XKR4: variants seen among roughly 807,000 people sequenced by gnomAD.
The protein encoded by XKR4 is XK related 4.
A neutral mutation model predicts 53.9 loss-of-function variants in XKR4; 12 were observed. The observed-to-expected ratio is 0.22, with a 90% CI of 0.14 to 0.36. The LOEUF (loss-of-function observed/expected upper bound fraction) is 0.36. XKR4 is among the 10% of genes least tolerant of loss of function. XKR4 has a pLI of 1.00. For synonymous variants in XKR4, 354 were observed against 362.4 expected, an observed-to-expected ratio of 0.98 and a Z score of 0.26; for missense variants, 799 against 859.5, an observed-to-expected ratio of 0.93 and a Z score of 0.88.
chr8:55,241,692 C>A (rs1192178756), intron 1 of XKR4, among the ~76,000 whole-genome samples: 1 of 152,176 alleles, frequency 6.6e-6, no homozygotes, highest in African/African-American at 2.4e-5. Context: ...TTCATTATTT[C>A]TCATATATGG....
At chr8:55,282,490 G>A (rs1019877183) in intron 1 of XKR4, among the ~76,000 whole-genome samples, 1 of 152,144 alleles carries the variant, frequency 6.6e-6, no homozygotes, top group Non-Finnish European at 1.5e-5. Context: ...GTGGAAGAGG[G>A]GAGCAGGCAT....
intron 1 of XKR4, among the ~76,000 whole-genome samples, chr8:55,156,393 A>G (rs1816906892): frequency 7.8e-6 from 1 of 128,694 alleles, no homozygotes; most frequent in Non-Finnish European, 1.6e-5. Context: ...CGCTGCGCGC[A>G]TAGTCACGGC....
intron 2 of XKR4, among the ~76,000 whole-genome samples, chr8:55,376,981 G>C (rs1380099041): frequency 1.3e-4 from 13 of 101,540 alleles, no homozygotes; most frequent in African/African-American, 5.1e-4. Flanking sequence ...CACACAGAGA[G>C]AGAGAGAGAG....
chr8:55,141,425 AC>A (rs1816699769), intron 1 of XKR4, among the ~76,000 whole-genome samples: 1 of 150,958 alleles, frequency 6.6e-6, no homozygotes. Flanking sequence ...CCTCCTCCTC[AC>A]CTTCCGTCTC....
intron 1 of XKR4, among the ~76,000 whole-genome samples, chr8:55,237,595 C>T (rs560105629): frequency 6.6e-6 from 1 of 152,232 alleles, no homozygotes; most frequent in South Asian, 2.1e-4. Flanking sequence ...CCATGCAGTT[C>T]AAGCACATGT....
At chr8:55,253,731 CT>C (rs67608017) in intron 1 of XKR4, among the ~76,000 whole-genome samples, 18,179 of 113,618 alleles carry the variant, frequency 0.16, 749 homozygotes, top group Non-Finnish European at 0.2. Flanking sequence ...ATTTTCTTTT[CT>C]TTTTTTTTTT....
At chr8:55,152,725 A>C (rs1009096900) in intron 1 of XKR4, among the ~76,000 whole-genome samples, 1 of 152,210 alleles carries the variant, frequency 6.6e-6, no homozygotes, top group African/African-American at 2.4e-5. Flanking sequence ...AAAAAAATCA[A>C]CTGATTTGTT....
chr8:55,284,854 C>T (rs1818887461), intron 1 of XKR4, among the ~76,000 whole-genome samples: 1 of 152,186 alleles, frequency 6.6e-6, no homozygotes, highest in Admixed American at 6.5e-5. Context: ...AGCCTCAACT[C>T]CTTTTCACTC....
chr8:55,376,342 C>T (rs1440365284), intron 2 of XKR4, among the ~76,000 whole-genome samples: 1 of 152,308 alleles, frequency 6.6e-6, no homozygotes, highest in East Asian at 1.9e-4. Context: ...TACATTCCCA[C>T]CAACAACGTA....
intron 2 of XKR4, among the ~76,000 whole-genome samples, chr8:55,430,493 T>C (rs756541761): frequency 1.3e-5 from 2 of 152,166 alleles, no homozygotes; most frequent in Non-Finnish European, 2.9e-5. Context: ...GAGCAGACGA[T>C]TGGTTGCCAG....
At chr8:55,463,305 C>T (rs1444889037) in intron 2 of XKR4, among the ~76,000 whole-genome samples, 1 of 152,256 alleles carries the variant, frequency 6.6e-6, no homozygotes, top group African/African-American at 2.4e-5. Context: ...CAAACTGGAA[C>T]TCAGGATTAA....
At position 55,502,927 on chromosome 8, in the gene XKR4, A is replaced by T. The variant is rs187404572; in HGVS notation, c.1007-20354A>T. ...AGGTAAGAGTCCACCCTTTTTGCAT[A>T]TGTTTTCCCAGACCATTTGTTGAAA... On this transcript the variant is annotated intron_variant, in intron 2 of 2. Transcript: ENST00000327381. Among the ~76,000 whole-genome samples, 6 of 152,086 alleles carry T rather than the reference A, an allele frequency of 3.9e-5. No homozygotes were observed. In the East Asian group the frequency reaches 1.2e-3, roughly 29 times the overall value.
At chr8:55,509,359 G>A (rs1463555489) in intron 2 of XKR4, among the ~76,000 whole-genome samples, 1 of 152,134 alleles carries the variant, frequency 6.6e-6, no homozygotes, top group Admixed American at 6.5e-5. Flanking sequence ...TTAAATTTCT[G>A]TACTTCCTTT....
intron 1 of XKR4, among the ~76,000 whole-genome samples, chr8:55,247,855 C>CTTTTTTTT (rs1166258777): frequency 1.7e-4 from 10 of 59,854 alleles, no homozygotes; most frequent in African/African-American, 2.7e-4. Context: ...TTCTTTCTTT[C>CTTTTTTTT]TTTTTTTTTT....
At chr8:55,165,752 C>T (rs1042137660) in intron 1 of XKR4, among the ~76,000 whole-genome samples, 6 of 150,082 alleles carry the variant, frequency 4.0e-5, no homozygotes, top group Non-Finnish European at 5.9e-5. Flanking sequence ...TTGCAGTGAG[C>T]CGAGATTGTG....
At position 55,535,777 on chromosome 8, in the gene XKR4, C is replaced by T. The variant is rs1219958367; in HGVS notation, c.*11550C>T. 1 of 152,154 alleles carries T rather than the reference C, an allele frequency of 6.6e-6. No homozygotes were observed. The highest frequency in any genetic ancestry group is 6.5e-5 in the Admixed American group (1 of 15,280). 9.4% of individuals were successfully genotyped at this position (152,154 alleles called of 1,614,324 possible). On this transcript the variant is annotated 3_prime_UTR_variant, in exon 3 of 3. Transcript: ENST00000327381. ...CCATAACTATAACAACAGACATGTC[C>T]ACTTTGGAAAGGCTAGGGCCTGACG...
chr8:55,281,981 C>T (rs547852536), intron 1 of XKR4, among the ~76,000 whole-genome samples: 3 of 152,274 alleles, frequency 2.0e-5, no homozygotes, highest in South Asian at 2.1e-4. Flanking sequence ...TGCTGGAGCT[C>T]GGTCAGTGGA....
chr8:55,169,301 A>G (rs1017191321), intron 1 of XKR4, among the ~76,000 whole-genome samples: 1 of 152,230 alleles, frequency 6.6e-6, no homozygotes, highest in African/African-American at 2.4e-5. Flanking sequence ...GTTTCTAACT[A>G]GACTGTTGCC....
At chr8:55,200,459 T>C (rs10504183) in intron 1 of XKR4, among the ~76,000 whole-genome samples, 30,637 of 152,186 alleles carry the variant, frequency 0.2, 3,194 homozygotes, top group Non-Finnish European at 0.22. Context: ...TTCAGAACTT[T>C]TGGTGGATAA....
Sources: gnomAD v4.1 joint callset for allele counts (sites outside exome capture counted in the v4.1 genomes callset) on GRCh38, gnomAD v4.1.1 for gene constraint, MANE v1.5 for transcripts, NCBI Gene and HGNC (gene_info 2026-07-23, HGNC 2026-07-21) for gene names.